POU6F2: variants seen among roughly 807,000 people sequenced by gnomAD.
The protein encoded by POU6F2 is POU class 6 homeobox 2.
A neutral mutation model predicts 71.3 loss-of-function variants in POU6F2; 31 were observed. That is an observed-to-expected ratio of 0.43 (90% CI 0.33 to 0.59). The LOEUF (loss-of-function observed/expected upper bound fraction) is 0.59. POU6F2 is among the 20% of genes least tolerant of loss of function. The pLI, the probability that POU6F2 is intolerant of heterozygous loss-of-function variation, is 0.04. For missense variants in POU6F2, 783 were observed against 856.8 expected, an observed-to-expected ratio of 0.91 and a Z score of 1.07; for synonymous variants, 347 against 355.7, an observed-to-expected ratio of 0.98 and a Z score of 0.27.
intron 4 of POU6F2, among the ~76,000 whole-genome samples, chr7:39,296,648 C>T (rs546303505): frequency 6.6e-6 from 1 of 152,324 alleles, no homozygotes; most frequent in African/African-American, 2.4e-5. Flanking sequence ...CCTCCTTCCT[C>T]CCCACCTCAT....
At chr7:39,313,889 C>T (rs1034387199) in intron 4 of POU6F2, among the ~76,000 whole-genome samples, 1 of 152,164 alleles carries the variant, frequency 6.6e-6, no homozygotes, top group Admixed American at 6.5e-5. Context: ...TGCTGAGCTT[C>T]CCTGCCAATG....
chr7:39,116,249 G>T (rs973474452), intron 2 of POU6F2, among the ~76,000 whole-genome samples: 1 of 152,138 alleles, frequency 6.6e-6, no homozygotes, highest in African/African-American at 2.4e-5. Flanking sequence ...TCTGGGCATG[G>T]TGGCATGCAC....
chr7:39,336,669 T>C (rs10255235), intron 4 of POU6F2, among the ~76,000 whole-genome samples: 62,064 of 151,950 alleles, frequency 0.41, 12,819 homozygotes, highest in East Asian at 0.62. Context: ...CAGACATACC[T>C]GGAGGTATGT....
intron 7 of POU6F2, among the ~76,000 whole-genome samples, chr7:39,440,695 T>C (rs1279849406): frequency 6.6e-6 from 1 of 152,232 alleles, no homozygotes; most frequent in Non-Finnish European, 1.5e-5. Context: ...TTAGTTCATC[T>C]GATCCTCCAT....
chr7:39,035,198 C>A (rs73371309), intron 1 of POU6F2, among the ~76,000 whole-genome samples: 2,899 of 151,678 alleles, frequency 0.019, 91 homozygotes, highest in African/African-American at 0.067. Flanking sequence ...AGAAGAGTTC[C>A]GATTTTGTGT....
chr7:39,204,447 A>C, intron 3 of POU6F2, 121 bp downstream of exon 3: 1 of 750,544 alleles, frequency 1.3e-6, no homozygotes, highest in South Asian at 3.2e-5. Flanking sequence ...GATGGTAATA[A>C]ATTTTCGTAT....
intron 1 of POU6F2, chr7:39,004,955 C>G (rs1302341607): frequency 6.6e-6 from 1 of 152,156 alleles, no homozygotes; most frequent in African/African-American, 2.4e-5. Context: ...GCCCTTCAAC[C>G]CTTTCTTGTT....
chr7:39,412,778 C>CTTTTTTTTT lies in POU6F2; in HGVS notation c.1113+6071_1113+6079dup, dbSNP rs1166811956. On this transcript the variant is annotated intron_variant, in intron 6 of 9. Transcript: ENST00000518318. ...TCCGTATTAGCTTCAGTTTTCTTGCCTTTTTTTTTTTTTTTTTTTTTTTTT... is the reference window on the plus strand; with the variant it reads ...TCCGTATTAGCTTCAGTTTTCTTGCCTTTTTTTTTTTTTTTTTTTTTTTTTTTTTTTTTT... Among the ~76,000 whole-genome samples, 47 of 23,192 alleles carry CTTTTTTTTT rather than the reference C, an allele frequency of 2.0e-3. 21 individuals are homozygous for CTTTTTTTTT. The highest frequency in any genetic ancestry group is 4.0e-3 in the Non-Finnish European group (38 of 9,476). The allele number at this position is 23,192 out of a possible 152,430, so 15.2% of individuals were successfully genotyped here.
intron 6 of POU6F2, among the ~76,000 whole-genome samples, chr7:39,418,598 G>A (rs889780964): frequency 6.6e-6 from 1 of 151,896 alleles, no homozygotes; most frequent in Non-Finnish European, 1.5e-5. Flanking sequence ...GCTGAGGCAA[G>A]AGAATCACTT....
intron 2 of POU6F2, among the ~76,000 whole-genome samples, chr7:39,114,982 G>T (rs542813880): frequency 2.0e-5 from 3 of 152,274 alleles, no homozygotes; most frequent in Admixed American, 2.0e-4. Flanking sequence ...GGTTTAGGGA[G>T]CTAAAATGCC....
At chr7:39,294,163 A>G (rs1784810024) in intron 4 of POU6F2, among the ~76,000 whole-genome samples, 3 of 151,690 alleles carry the variant, frequency 2.0e-5, no homozygotes, top group Admixed American at 1.3e-4. Flanking sequence ...TGTGGGAGAA[A>G]GGTCCCTTCA....
chr7:39,046,932 T>A (rs1790302967), intron 1 of POU6F2, among the ~76,000 whole-genome samples: 1 of 151,970 alleles, frequency 6.6e-6, no homozygotes. Context: ...TATCCACTTG[T>A]CCCAGCACCA....
rs1016387010 is a variant in POU6F2, at chr7:39,460,480, G to A, written c.1490-67G>A. 1.2e-5 allele frequency: 19 copies of A among 1,544,120 alleles called. No individual in the cohort carries two copies. The highest frequency in any genetic ancestry group is 2.7e-5 in the African/African-American group (2 of 73,224). On this transcript the variant is annotated intron_variant, in intron 8 of 9. Transcript: ENST00000518318. This position sits in a 1 kb window ranked among gnomAD's most constrained non-coding sequence, Gnocchi z 4.4. The stretch of plus-strand genomic sequence containing the variant: ...AAAGAGAGCCACTTTCTTATAAACC[G>A]TAATAAACAGATATTGCTCGGCTGT...
chr7:39,339,516 T>G, intron 4 of POU6F2, 126 bp from the exon 5 acceptor site: 1 of 1,334,990 alleles, frequency 7.5e-7, no homozygotes, highest in South Asian at 1.5e-5. Context: ...ACCAAAGAGC[T>G]TCAGGGGGCA....
At chr7:39,007,727 C>T (rs894354366) in intron 1 of POU6F2, among the ~76,000 whole-genome samples, 18 of 151,786 alleles carry the variant, frequency 1.2e-4, no homozygotes, top group Middle Eastern at 3.4e-3. Context: ...CTTCCTGTGT[C>T]CATGTGATCT....
chr7:39,331,405 G>A (rs1785645910), intron 4 of POU6F2, among the ~76,000 whole-genome samples: 1 of 152,166 alleles, frequency 6.6e-6, no homozygotes, highest in Admixed American at 6.5e-5. Flanking sequence ...GTATGTAAGT[G>A]TTCCCTCTTC....
chr7:39,318,839 A>C (rs1022801207), intron 4 of POU6F2, among the ~76,000 whole-genome samples: 6 of 152,190 alleles, frequency 3.9e-5, no homozygotes, highest in African/African-American at 1.4e-4. Context: ...AAACCCAGGT[A>C]ATAGTCAAAA....
chr7:39,384,569 A>C (rs948707646), intron 5 of POU6F2, among the ~76,000 whole-genome samples: 7 of 33,364 alleles, frequency 2.1e-4, no homozygotes, highest in Admixed American at 9.3e-4. Context: ...AAAAATGACA[A>C]AAAAAAAGCC....
At chr7:39,374,271 C>T (rs1360373438) in intron 5 of POU6F2, among the ~76,000 whole-genome samples, 1 of 152,176 alleles carries the variant, frequency 6.6e-6, no homozygotes, top group African/African-American at 2.4e-5. Context: ...CGTACACAAG[C>T]TTGTGGCATG....
Sources: gnomAD v4.1 joint callset for allele counts (sites outside exome capture counted in the v4.1 genomes callset) on GRCh38, gnomAD v4.1.1 for gene constraint, Gnocchi (gnomAD v3.1) non-coding constraint, MANE v1.5 for transcripts, NCBI Gene and HGNC (gene_info 2026-07-23, HGNC 2026-07-21) for gene names.